The following CADPS2 variants were observed in gnomAD, a reference collection of about 807,000 sequenced individuals.
CADPS2 encodes the protein calcium dependent secretion activator 2.
A neutral mutation model predicts 172.5 loss-of-function variants in CADPS2; 93 were observed. That is an observed-to-expected ratio of 0.54 (90% CI 0.46 to 0.64). The LOEUF (loss-of-function observed/expected upper bound fraction) is 0.64, where lower values mean the gene tolerates loss of function less well. CADPS2 is among the 30% of genes least tolerant of loss of function. CADPS2 has a pLI of 0.00. For missense variants in CADPS2, 1,420 were observed against 1,565.9 expected, an observed-to-expected ratio of 0.91 and a Z score of 1.57; for synonymous variants, 546 against 555.2, an observed-to-expected ratio of 0.98 and a Z score of 0.23.
At chr7:122,486,640 A>G (rs2057840203) in intron 11 of CADPS2, among the ~76,000 whole-genome samples, 1 of 152,210 alleles carries the variant, frequency 6.6e-6, no homozygotes, top group Non-Finnish European at 1.5e-5. Context: ...GATATTACAT[A>G]AACTTAGTTC....
chr7:122,785,835 T>G (rs886155130), intron 1 of CADPS2, among the ~76,000 whole-genome samples: 2 of 152,034 alleles, frequency 1.3e-5, no homozygotes, highest in Non-Finnish European at 2.9e-5. Context: ...GAGGAAGCCC[T>G]CCCACCTCAA....
intron 2 of CADPS2, among the ~76,000 whole-genome samples, chr7:122,714,324 G>A (rs1171510453): frequency 1.3e-5 from 2 of 151,988 alleles, no homozygotes; most frequent in Non-Finnish European, 2.9e-5. Flanking sequence ...AATACAAAGT[G>A]GACATAGTAT....
chr7:122,846,267 C>T (rs1811962310), intron 1 of CADPS2, among the ~76,000 whole-genome samples: 1 of 152,050 alleles, frequency 6.6e-6, no homozygotes, highest in South Asian at 2.1e-4. Flanking sequence ...TTTAACAACC[C>T]AGTGCAAGAA....
At chr7:122,599,746 T>C (rs1430873771) in intron 6 of CADPS2, among the ~76,000 whole-genome samples, 1 of 152,100 alleles carries the variant, frequency 6.6e-6, no homozygotes, top group Non-Finnish European at 1.5e-5. Context: ...AGGCCCTTTG[T>C]AAAAGTGTAT....
intron 3 of CADPS2, among the ~76,000 whole-genome samples, chr7:122,640,472 C>A (rs1311013710): frequency 8.4e-6 from 1 of 119,254 alleles, no homozygotes. Flanking sequence ...CACACATATA[C>A]ACACACACAC....
chr7:122,558,832 A>C (rs2065357072), intron 7 of CADPS2, among the ~76,000 whole-genome samples: 1 of 152,106 alleles, frequency 6.6e-6, no homozygotes, highest in Non-Finnish European at 1.5e-5. Context: ...TTGTGCATAA[A>C]CTCTGTGATC....
chr7:122,571,361 A>G (rs181513042), intron 7 of CADPS2, among the ~76,000 whole-genome samples: 39 of 152,300 alleles, frequency 2.6e-4, no homozygotes, highest in Admixed American at 4.6e-4. Flanking sequence ...GAGACAGAGG[A>G]AAACCTCTAT....
chr7:122,323,876 TATATATATATATATATATATATATATA>T (rs1563065549), intron 29 of CADPS2, among the ~76,000 whole-genome samples: 14 of 17,778 alleles, frequency 7.9e-4, no homozygotes, highest in Admixed American at 1.5e-3. Context: ...GTATATTTTA[TATATATATATATATATATATATATATA>T]TATATATATA....
At chr7:122,534,248 T>A (rs2062029738) in intron 8 of CADPS2, among the ~76,000 whole-genome samples, 1 of 152,128 alleles carries the variant, frequency 6.6e-6, no homozygotes, top group African/African-American at 2.4e-5. Flanking sequence ...ATCTTACATT[T>A]AAACAATCAA....
intron 2 of CADPS2, among the ~76,000 whole-genome samples, chr7:122,679,993 T>C (rs949841923): frequency 6.6e-6 from 1 of 152,232 alleles, no homozygotes; most frequent in African/African-American, 2.4e-5. Context: ...ATGATTAGCT[T>C]GACCTATGTA....
rs71531909 is a variant in CADPS2, at chr7:122,649,898, A to ATTTTTT, written c.786+13333_786+13338dup. On this transcript the variant is annotated intron_variant, in intron 3 of 29. Coordinates refer to ENST00000449022, the MANE Select transcript of CADPS2 (RefSeq NM_017954.11). ...TGACATTTTTCTTAAGTATTCAATG[A>ATTTTTT]TTTTTTTTTTTTTTTTTTTTTTTTT... is the stretch of plus-strand genomic sequence containing the variant. Among the ~76,000 whole-genome samples the ATTTTTT allele has an allele frequency of 5.2e-4, 27 of 52,016 alleles. 3 individuals are homozygous for ATTTTTT. The highest frequency in any genetic ancestry group is 1.3e-3 in the South Asian group (1 of 772). 34.1% of individuals were successfully genotyped at this position (52,016 alleles called of 152,430 possible). A position where few individuals can be genotyped will look rare whatever the true frequency, so the allele number is the denominator to read the frequency against.
chr7:122,432,455 C>T (rs2050060821), intron 17 of CADPS2, among the ~76,000 whole-genome samples: 1 of 151,854 alleles, frequency 6.6e-6, no homozygotes, highest in Admixed American at 6.6e-5. Context: ...GCCTGGCCAA[C>T]ATGGTGAAAC....
chr7:122,863,353 G>A (rs761358155), intron 1 of CADPS2, among the ~76,000 whole-genome samples: 1 of 152,084 alleles, frequency 6.6e-6, no homozygotes, highest in African/African-American at 2.4e-5. Context: ...ATGTTTAAGA[G>A]AACACTGAGA....
At chr7:122,568,372 G>A (rs2066741854) in intron 7 of CADPS2, among the ~76,000 whole-genome samples, 1 of 152,058 alleles carries the variant, frequency 6.6e-6, no homozygotes, top group Non-Finnish European at 1.5e-5. Context: ...TTAATGAGAA[G>A]GAAATCGTAA....
chr7:122,707,952 A>G (rs561160670), intron 2 of CADPS2, among the ~76,000 whole-genome samples: 2 of 151,856 alleles, frequency 1.3e-5, no homozygotes, highest in South Asian at 2.1e-4. Context: ...TTCTATATAT[A>G]TATTTTAAGT....
At chr7:122,334,285 C>T (rs964199377) in intron 28 of CADPS2, among the ~76,000 whole-genome samples, 1 of 152,110 alleles carries the variant, frequency 6.6e-6, no homozygotes, top group Admixed American at 6.5e-5. Context: ...AGAGGCTGTC[C>T]CCCAAGCAGG....
At chr7:122,322,564 A>C (rs1318415635) in intron 29 of CADPS2, among the ~76,000 whole-genome samples, 7 of 152,362 alleles carry the variant, frequency 4.6e-5, no homozygotes, top group Admixed American at 3.9e-4. Flanking sequence ...CTAGCAAAAG[A>C]AGCAGGTGAT....
intron 2 of CADPS2, among the ~76,000 whole-genome samples, chr7:122,685,096 T>C (rs1360077477): frequency 6.6e-6 from 1 of 152,194 alleles, no homozygotes; most frequent in Admixed American, 6.5e-5. Flanking sequence ...AGCAATGTTA[T>C]TGCTTTTTAA....
At chr7:122,379,779 T>C (rs1442084066) in intron 24 of CADPS2, among the ~76,000 whole-genome samples, 1 of 152,086 alleles carries the variant, frequency 6.6e-6, no homozygotes, top group Non-Finnish European at 1.5e-5. Flanking sequence ...TTCTAAAGGG[T>C]TGGTTTAGCT....
Sources: gnomAD v4.1 joint callset for allele counts (sites outside exome capture counted in the v4.1 genomes callset) on GRCh38, gnomAD v4.1.1 for gene constraint, MANE v1.5 for transcripts, NCBI Gene and HGNC (gene_info 2026-07-23, HGNC 2026-07-21) for gene names.